Variants in RBFOX1 observed in about 807,000 individuals in gnomAD.
The protein encoded by RBFOX1 is RNA binding fox-1 homolog 1, also known as RNA binding protein fox-1 homolog 1.
In RBFOX1, 8 loss-of-function variants were observed where a neutral mutation model predicts 57.7. The observed-to-expected ratio is 0.14, with a 90% CI of 0.08 to 0.25. The LOEUF (loss-of-function observed/expected upper bound fraction) is 0.25. Ranked by LOEUF, RBFOX1 falls within the 10% of genes least tolerant of loss-of-function variation. RBFOX1 has a pLI of 1.00. For missense variants in RBFOX1, 611 were observed against 548.5 expected (o/e 1.11, Z -1.14); for synonymous variants, 326 against 222.4 (o/e 1.47, Z -4.15).
intron 1 of RBFOX1, among the ~76,000 whole-genome samples, chr16:5,457,355 G>A (rs1049953978): frequency 4.6e-5 from 7 of 152,086 alleles, no homozygotes; most frequent in African/African-American, 1.2e-4. Context: ...GGCTGGTCTC[G>A]AACTTCTGAC....
chr16:7,428,494 T>TTTATTATTA (rs71147697), intron 4 of RBFOX1, among the ~76,000 whole-genome samples: 1,414 of 128,698 alleles, frequency 0.011, 12 homozygotes, highest in East Asian at 0.019. Context: ...TCCTGGCTAT[T>TTTATTATTA]TTATTATTAT....
At chr16:6,084,285 C>G (rs910866085) in intron 1 of RBFOX1, among the ~76,000 whole-genome samples, 2 of 152,068 alleles carry the variant, frequency 1.3e-5, no homozygotes, top group African/African-American at 4.8e-5. Flanking sequence ...GCTCTGTCGC[C>G]CAGGCTGGAG....
At chr16:7,680,384 A>G (rs1382694806) in intron 14 of RBFOX1, among the ~76,000 whole-genome samples, 1 of 152,150 alleles carries the variant, frequency 6.6e-6, no homozygotes, top group Non-Finnish European at 1.5e-5. Flanking sequence ...ACAGACAGAC[A>G]TTTGTCATGC....
chr16:6,761,290 C>T (rs557997174), intron 3 of RBFOX1, among the ~76,000 whole-genome samples: 2 of 152,070 alleles, frequency 1.3e-5, no homozygotes, highest in Non-Finnish European at 1.5e-5. Context: ...AGAGAACTGA[C>T]ACTTGGATAT....
intron 4 of RBFOX1, among the ~76,000 whole-genome samples, chr16:7,154,649 A>C (rs1157454037): frequency 6.6e-6 from 1 of 151,900 alleles, no homozygotes; most frequent in African/African-American, 2.4e-5. Flanking sequence ...GGAGAGGCAT[A>C]AAACTTAGTT....
intron 3 of RBFOX1, among the ~76,000 whole-genome samples, chr16:6,821,615 T>A (rs1483747624): frequency 2.0e-5 from 3 of 152,226 alleles, no homozygotes; most frequent in Non-Finnish European, 2.9e-5. Context: ...TGTCCGTTTA[T>A]GATATCTTAC....
chr16:5,730,915 C>G (rs1177503153), intron 3 of RBFOX1, among the ~76,000 whole-genome samples: 1 of 152,104 alleles, frequency 6.6e-6, no homozygotes, highest in Non-Finnish European at 1.5e-5. Flanking sequence ...AACATCTCCA[C>G]TGCCATTGTC....
At chr16:5,250,720 C>T (rs559875799) in intron 1 of RBFOX1, among the ~76,000 whole-genome samples, 1 of 152,344 alleles carries the variant, frequency 6.6e-6, no homozygotes, top group South Asian at 2.1e-4. Flanking sequence ...ACCTTCTTCT[C>T]CCAGCAGGTA....
chr16:6,972,679 G>A (rs762218713), intron 3 of RBFOX1, among the ~76,000 whole-genome samples: 29 of 152,122 alleles, frequency 1.9e-4, no homozygotes, highest in Non-Finnish European at 3.1e-4. Flanking sequence ...AACCTGAGTG[G>A]AGGGCTGGCC....
At chr16:7,377,429 A>T (rs1458823942) in intron 4 of RBFOX1, among the ~76,000 whole-genome samples, 6 of 152,206 alleles carry the variant, frequency 3.9e-5, no homozygotes, top group Non-Finnish European at 8.8e-5. Flanking sequence ...AGAGTTTCTG[A>T]AGAATCATTT....
intron 1 of RBFOX1, among the ~76,000 whole-genome samples, chr16:5,325,019 C>G (rs1222862149): frequency 6.6e-6 from 1 of 152,158 alleles, no homozygotes; most frequent in Non-Finnish European, 1.5e-5. Flanking sequence ...ATCTGTACAA[C>G]AAACAGAAGT....
intron 7 of RBFOX1, among the ~76,000 whole-genome samples, chr16:7,588,513 T>A (rs1483034866): frequency 6.6e-6 from 1 of 152,184 alleles, no homozygotes; most frequent in Non-Finnish European, 1.5e-5. Flanking sequence ...TTTCAATAGC[T>A]CTGACGGGTC....
chr16:5,964,397 A>T (rs1447308312), intron 4 of RBFOX1, among the ~76,000 whole-genome samples: 1 of 152,228 alleles, frequency 6.6e-6, no homozygotes, highest in Non-Finnish European at 1.5e-5. Context: ...ACTTCTGGGT[A>T]TAAATCCAAA....
chr16:7,072,081 C>G (rs115132729), intron 4 of RBFOX1, among the ~76,000 whole-genome samples: 58 of 152,280 alleles, frequency 3.8e-4, no homozygotes, highest in African/African-American at 1.1e-3. Flanking sequence ...CTGACCCGTT[C>G]TCTAGTCTTT....
chr16:5,831,594 A>G (rs1432249794), intron 3 of RBFOX1, among the ~76,000 whole-genome samples: 1 of 151,636 alleles, frequency 6.6e-6, no homozygotes, highest in Admixed American at 6.6e-5. Context: ...GTTTCAAGCA[A>G]TTCTCCTGCT....
chr16:6,691,694 G>A (rs561216113), intron 3 of RBFOX1, among the ~76,000 whole-genome samples: 13 of 152,240 alleles, frequency 8.5e-5, no homozygotes, highest in African/African-American at 2.6e-4. Context: ...AACTGTCCAC[G>A]TCCTAATCCC....
At chr16:5,335,923 G>A (rs1352157033) in intron 1 of RBFOX1, among the ~76,000 whole-genome samples, 3 of 152,204 alleles carry the variant, frequency 2.0e-5, no homozygotes, top group Non-Finnish European at 4.4e-5. Context: ...CTGTGAGCCA[G>A]GTACTGGGTC....
chr16:7,086,397 T>A (rs939320617), intron 4 of RBFOX1, among the ~76,000 whole-genome samples: 6 of 152,218 alleles, frequency 3.9e-5, no homozygotes, highest in Non-Finnish European at 8.8e-5. Context: ...AATATTAATT[T>A]CTTCTTTATC....
chr16:5,945,536 G>A (rs767325603), intron 4 of RBFOX1, among the ~76,000 whole-genome samples: 2 of 152,182 alleles, frequency 1.3e-5, no homozygotes, highest in Non-Finnish European at 2.9e-5. Context: ...AATTCTCACT[G>A]CCCTCTGAAA....
Sources: allele counts gnomAD v4.1 joint callset (sites outside exome capture counted in the v4.1 genomes callset), GRCh38; gene constraint gnomAD v4.1.1; transcripts MANE v1.5; gene names NCBI Gene and HGNC (gene_info 2026-07-23, HGNC 2026-07-21).